The following ENPP6 variants were observed in gnomAD, a reference collection of about 807,000 sequenced individuals.
ENPP6 encodes glycerophosphocholine cholinephosphodiesterase ENPP6.
ENPP6 carries 32 observed loss-of-function variants against 42.0 expected under a neutral mutation model. The observed-to-expected ratio is 0.76, with a 90% confidence interval of 0.58 to 1.02. The LOEUF is 1.02. Among genes scored for constraint, ENPP6 ranks in the 50% least tolerant of loss-of-function variants. The pLI is 0.00. For synonymous variants in ENPP6, 213 were observed against 216.0 expected (o/e 0.99, Z 0.12); for missense variants, 552 against 566.8 (o/e 0.97, Z 0.27).
intron 1 of ENPP6, among the ~76,000 whole-genome samples, chr4:184,174,934 G>A (rs1259634457): frequency 6.6e-6 from 1 of 152,206 alleles, no homozygotes; most frequent in Non-Finnish European, 1.5e-5. Context: ...TTTTCACTCT[G>A]CAACAGCTTT....
chr4:184,117,018 G>T lies in ENPP6; in HGVS notation c.693C>A (p.Asp231Glu), dbSNP rs1225343772. The change falls in exon 5 of 8, where the codon GAC (aspartate) becomes GAA (glutamate). Residue 231 changes from aspartate (D) to glutamate (E), a missense_variant. Physicochemically the swap from Asp to Glu is conservative, Grantham distance 45. This residue lies in a region of ENPP6 where 545 missense variants were observed against 546.3 expected (regional missense o/e 1.00). Coordinates refer to ENST00000296741, the MANE Select transcript of ENPP6 (RefSeq NM_153343.4). ...CCGAGAAAATAATGACGTTCAGGCG[G>T]TCCTGCAGGCCCCGCTCCTGTGGGG... is the stretch of plus-strand genomic sequence containing the variant. ...TKWIQERGLQDRLNVIIFSDH... is the reference protein window; with the variant it reads ...TKWIQERGLQERLNVIIFSDH... 6.2e-7 allele frequency: 1 copy of T among 1,614,100 alleles called. No individual in the cohort carries two copies. The highest frequency in any genetic ancestry group is 1.3e-5 in the African/African-American group (1 of 74,926).
At chr4:184,093,020 G>C (rs1025696498) in intron 7 of ENPP6, among the ~76,000 whole-genome samples, 1 of 152,138 alleles carries the variant, frequency 6.6e-6, no homozygotes, top group Non-Finnish European at 1.5e-5. Context: ...GTTAGATCCA[G>C]GGCAACTGCC....
At chr4:184,125,071 T>A (rs1033703004) in intron 2 of ENPP6, among the ~76,000 whole-genome samples, 28 of 152,182 alleles carry the variant, frequency 1.8e-4, no homozygotes, top group African/African-American at 6.5e-4. Flanking sequence ...CAGGAGTGGA[T>A]CTGGTAGGGT....
intron 1 of ENPP6, among the ~76,000 whole-genome samples, chr4:184,176,878 T>C (rs1386414348): frequency 6.6e-6 from 1 of 152,226 alleles, no homozygotes; most frequent in Non-Finnish European, 1.5e-5. Flanking sequence ...TGTGAGACTC[T>C]GTCTCTAACT....
In ENPP6 at chr4:184,090,668, A is replaced by G; in HGVS notation, c.*509T>C. ...ATTCCATGAGCTGGGTCAGAAATAG[A>G]CAGTAGCTTTTGCTTTCATGTAGAC... On this transcript the variant is annotated 3_prime_UTR_variant, in exon 8 of 8. Coordinates refer to ENST00000296741, the MANE Select transcript of ENPP6 (RefSeq NM_153343.4). The G allele has an allele frequency of 4.3e-6, 1 of 230,922 alleles. No individual in the cohort carries two copies. Among genetic ancestry groups the G allele is most frequent in the Non-Finnish European group, 8.3e-6 (1 of 120,532 alleles). The allele number at this position is 230,922 out of a possible 1,614,324, so 14.3% of individuals were successfully genotyped here. A position where few individuals can be genotyped will look rare whatever the true frequency, so the allele number is the denominator to read the frequency against.
At chr4:184,172,851 CAT>C (rs1737491053) in intron 1 of ENPP6, among the ~76,000 whole-genome samples, 2 of 152,100 alleles carry the variant, frequency 1.3e-5, no homozygotes, top group Non-Finnish European at 2.9e-5. Context: ...AGGAAATGTA[CAT>C]TCGTTCACCG....
At chr4:184,139,140 C>T (rs1371652402) in intron 2 of ENPP6, among the ~76,000 whole-genome samples, 1 of 152,214 alleles carries the variant, frequency 6.6e-6, no homozygotes, top group African/African-American at 2.4e-5. Context: ...GCAGAATGGT[C>T]TCTCCACAGT....
At chr4:184,155,872 A>G (rs919314663) in intron 1 of ENPP6, among the ~76,000 whole-genome samples, 15 of 152,152 alleles carry the variant, frequency 9.9e-5, no homozygotes, top group Non-Finnish European at 1.3e-4. Context: ...CATATTTAGC[A>G]CTCTGGACTC....
chr4:184,094,330 A>C (rs1735860215), intron 7 of ENPP6, among the ~76,000 whole-genome samples: 1 of 152,252 alleles, frequency 6.6e-6, no homozygotes, highest in Non-Finnish European at 1.5e-5. Context: ...GGAAAAACTG[A>C]GATCAAATTC....
chr4:184,166,339 C>T (rs1016485328), intron 1 of ENPP6, among the ~76,000 whole-genome samples: 2 of 151,868 alleles, frequency 1.3e-5, no homozygotes, highest in African/African-American at 4.8e-5. Context: ...AAAGAGGAGA[C>T]ATCTTTGATT....
intron 3 of ENPP6, among the ~76,000 whole-genome samples, chr4:184,118,337 G>T (rs531128922): frequency 6.8e-4 from 104 of 152,168 alleles, no homozygotes; most frequent in African/African-American, 2.4e-3. Flanking sequence ...CTATAGTGAG[G>T]AGTTTTCATG....
At chr4:184,202,010 T>C (rs1349265484) in intron 1 of ENPP6, among the ~76,000 whole-genome samples, 3 of 152,174 alleles carry the variant, frequency 2.0e-5, no homozygotes, top group African/African-American at 7.2e-5. Flanking sequence ...AGCAGTGAGA[T>C]AGGAAGTCCA....
At chr4:184,161,948 G>A (rs557736275) in intron 1 of ENPP6, among the ~76,000 whole-genome samples, 2 of 152,060 alleles carry the variant, frequency 1.3e-5, no homozygotes, top group Non-Finnish European at 2.9e-5. Context: ...CTTGGGTGAT[G>A]GGTGTACCAA....
chr4:184,163,324 A>G (rs1305409900), intron 1 of ENPP6, among the ~76,000 whole-genome samples: 2 of 152,118 alleles, frequency 1.3e-5, no homozygotes, highest in South Asian at 2.1e-4. Context: ...CTTTGTATAT[A>G]TTGGGGGTAA....
At chr4:184,179,233 C>T (rs185782052) in intron 1 of ENPP6, among the ~76,000 whole-genome samples, 8 of 152,238 alleles carry the variant, frequency 5.3e-5, no homozygotes, top group African/African-American at 1.4e-4. Context: ...ATCCTAGTTT[C>T]TGACAAAACA....
intron 5 of ENPP6, among the ~76,000 whole-genome samples, chr4:184,114,759 C>T (rs1164006701): frequency 9.2e-6 from 1 of 108,682 alleles, no homozygotes; most frequent in Non-Finnish European, 2.0e-5. Flanking sequence ...CAAGGATGAT[C>T]TTTCTTGCCA....
At chr4:184,151,434 C>T (rs748453423) in intron 2 of ENPP6, among the ~76,000 whole-genome samples, 14 of 152,226 alleles carry the variant, frequency 9.2e-5, no homozygotes, top group Non-Finnish European at 1.8e-4. Context: ...GATCTCCTCC[C>T]ACTTGGCTGT....
intron 2 of ENPP6, among the ~76,000 whole-genome samples, chr4:184,146,023 CTTTTTTT>C (rs70959175): frequency 1.4e-5 from 2 of 141,992 alleles, no homozygotes; most frequent in African/African-American, 2.6e-5. Flanking sequence ...TTTTCTTTTT[CTTTTTTT>C]TTTTTTTGGT....
At chr4:184,177,032 C>T (rs1017833100) in intron 1 of ENPP6, among the ~76,000 whole-genome samples, 7 of 152,324 alleles carry the variant, frequency 4.6e-5, no homozygotes, top group Admixed American at 2.0e-4. Context: ...TGTGAACCCA[C>T]GCCACCAGGG....
Sources: gnomAD v4.1 joint callset for allele counts (sites outside exome capture counted in the v4.1 genomes callset) on GRCh38, gnomAD v4.1.1 for gene constraint, gnomAD v4.1.1 regional missense constraint, MANE v1.5 for transcripts, NCBI Gene and HGNC (gene_info 2026-07-23, HGNC 2026-07-21) for gene names.